The following CFAP74 variants were observed in gnomAD, a reference collection of about 807,000 sequenced individuals.
CFAP74 encodes the protein cilia and flagella associated protein 74.
Under a neutral mutation model 188.9 loss-of-function variants are expected in CFAP74, and 124 were observed. The ratio of observed to expected loss-of-function variants is 0.66; its 90% CI spans 0.57 to 0.76. The LOEUF is 0.76. Ranked by LOEUF, CFAP74 falls within the 30% of genes least tolerant of loss-of-function variation. The pLI is 0.00. For synonymous variants in CFAP74, 956 were observed against 916.7 expected (o/e 1.04, Z -0.77); for missense variants, 2,198 against 2,165.2 (o/e 1.02, Z -0.30).
At chr1:1,947,688 G>C (rs2102052637) in intron 18 of CFAP74, among the ~76,000 whole-genome samples, 1 of 152,382 alleles carries the variant, frequency 6.6e-6, no homozygotes, top group African/African-American at 2.4e-5. Flanking sequence ...GTGCTGCCCG[G>C]TCGGGTCAGA....
intron 20 of CFAP74, among the ~76,000 whole-genome samples, chr1:1,946,075 G>A (rs1653752929): frequency 6.6e-6 from 1 of 152,184 alleles, no homozygotes; most frequent in Non-Finnish European, 1.5e-5. Context: ...GTGTATACAT[G>A]CATGTTTTTG....
Position 1,972,087 on chromosome 1 carries a change from G to A in CFAP74, c.786-5C>T. 2 of 1,608,348 alleles carry A rather than the reference G, an allele frequency of 1.2e-6. No homozygotes were observed. Among genetic ancestry groups the A allele is most frequent in the Non-Finnish European group, 1.7e-6 (2 of 1,177,104 alleles). On this transcript the variant is annotated splice_region_variant and splice_polypyrimidine_tract_variant and intron_variant, in intron 8 of 38. Transcript: ENST00000682832. ...TTCTTCTCTTGCTCTCGGATTCTGA[G>A]GAAGGACATTTAAACATTTTTGAGG...
chr1:1,969,702 AC>A (rs894721874), intron 10 of CFAP74, among the ~76,000 whole-genome samples: 3 of 151,310 alleles, frequency 2.0e-5, no homozygotes, highest in Non-Finnish European at 4.4e-5. Flanking sequence ...TGCTGCCAGG[AC>A]CCCCCCGCCC....
At position 1,966,358 on chromosome 1, in the gene CFAP74, C is replaced by T. The variant is rs1352615035; in HGVS notation, c.1401+13G>A. On this transcript the variant is annotated intron_variant, in intron 12 of 38. Coordinates refer to ENST00000682832, the MANE Select transcript of CFAP74 (RefSeq NM_001304360.2). ...GTCCGTCTGCAAGCGTCTAAAGGAG[C>T]AGGAGCTGATACCTGGTATGGCTTG... 28 of 1,515,862 alleles carry T rather than the reference C, an allele frequency of 1.8e-5. No homozygotes were observed. Among genetic ancestry groups the T allele is most frequent in the Non-Finnish European group, 2.2e-5 (25 of 1,124,786 alleles). 93.9% of individuals were successfully genotyped at this position (1,515,862 alleles called of 1,614,324 possible).
chr1:1,928,001 G>A, intron 27 of CFAP74: 1 of 510,116 alleles, frequency 2.0e-6, no homozygotes, highest in Non-Finnish European at 3.5e-6. Context: ...TGAGGAGGCG[G>A]CCAGAACCGG....
Position 1,959,972 on chromosome 1 carries a change from T to C in CFAP74, c.1753A>G (p.Lys585Glu), listed in dbSNP as rs1213844259. The C allele has an allele frequency of 1.9e-6, 3 of 1,593,638 alleles. No individual in the cohort carries two copies. Among genetic ancestry groups the C allele is most frequent in the Non-Finnish European group, 2.6e-6 (3 of 1,171,158 alleles). Residue 585 changes from lysine to glutamate, a missense_variant, in exon 15 of 39, where the codon AAG becomes GAG. Transcript: ENST00000682832. ...GMSCEVLVTF[K>E]PMINKDLEGN... is the part of the protein sequence containing the mutation. ...GGGCCCCTCTGACTCACCATCGGCT[T>C]GAAGGTGACAAGCACTTCACAGGAC...
intron 18 of CFAP74, among the ~76,000 whole-genome samples, chr1:1,951,550 T>C (rs866847089): frequency 6.6e-6 from 1 of 152,248 alleles, no homozygotes; most frequent in East Asian, 1.9e-4. Context: ...CTGTACTTCA[T>C]AGTAATCTTG....
chr1:1,997,140 C>T (rs915416631), intron 1 of CFAP74, among the ~76,000 whole-genome samples: 3 of 151,816 alleles, frequency 2.0e-5, no homozygotes, highest in South Asian at 2.1e-4. Context: ...AAATAAAAGG[C>T]GGCCGGGCGC....
At chr1:1,963,727 C>G in intron 14 of CFAP74, 22 bp downstream of exon 14, 1 of 1,524,218 alleles carries the variant, frequency 6.6e-7, no homozygotes, top group East Asian at 2.2e-5. Context: ...CGCGTCCCTC[C>G]CTGTCTGAGC....
chr1:1,981,526 C>T (rs982112341), intron 6 of CFAP74, among the ~76,000 whole-genome samples: 2 of 106,508 alleles, frequency 1.9e-5, no homozygotes, highest in East Asian at 3.1e-4. Context: ...CATGGGGGCA[C>T]GCAGGACACA....
intron 18 of CFAP74, among the ~76,000 whole-genome samples, 193 bp from the exon 19 acceptor site, chr1:1,947,247 C>T (rs1180286143): frequency 6.6e-6 from 1 of 152,240 alleles, no homozygotes; most frequent in South Asian, 2.1e-4. Context: ...CCACCGTGCC[C>T]GGAGGGCTTT....
intron 18 of CFAP74, among the ~76,000 whole-genome samples, chr1:1,952,137 G>C (rs1366172932): frequency 1.3e-5 from 2 of 152,194 alleles, no homozygotes; most frequent in East Asian, 3.9e-4. Context: ...ATTTTCAGTA[G>C]AGATGGGGTT....
At chr1:1,941,198 G>A (rs567945940) in intron 22 of CFAP74, among the ~76,000 whole-genome samples, 4 of 152,294 alleles carry the variant, frequency 2.6e-5, no homozygotes, top group South Asian at 2.1e-4. Flanking sequence ...GGCGGCCGGC[G>A]GGGGCAAGTC....
At chr1:1,949,125 TTCCCTCCC>T (rs147210610) in intron 18 of CFAP74, among the ~76,000 whole-genome samples, 2 of 64,780 alleles carry the variant, frequency 3.1e-5, no homozygotes, top group South Asian at 6.2e-4. Context: ...CTTTCTTCCC[TTCCCTCCC>T]TCCCTCCCTC....
At chr1:1,981,491 C>A (rs1343018448) in intron 6 of CFAP74, among the ~76,000 whole-genome samples, 1 of 132,574 alleles carries the variant, frequency 7.5e-6, no homozygotes, top group Non-Finnish European at 1.6e-5. Context: ...CGCGGGGGCA[C>A]GCAGGACACC....
chr1:1,956,696 C>T lies in CFAP74; in HGVS notation c.1940G>A (p.Gly647Asp). 2 of 1,614,068 alleles carry T rather than the reference C, an allele frequency of 1.2e-6. No homozygotes were observed. Among genetic ancestry groups the T allele is most frequent in the Non-Finnish European group, 1.7e-6 (2 of 1,179,990 alleles). ...SRTITLTNVG[G>D]LGTTFKFLPA... ...CAGGAACTTGAAAGTCGTGCCCAAG[C>T]CCCCAACGTTGGTCAGCGTGATGGT... Residue 647 changes from glycine to aspartate, a missense_variant, in exon 17 of 39, where the codon GGC becomes GAC. By Grantham distance (94) the Gly-to-Asp change is moderately conservative. Coordinates refer to ENST00000682832, the MANE Select transcript of CFAP74 (RefSeq NM_001304360.2).
At chr1:1,928,497 C>A (rs1345467589) in intron 27 of CFAP74, among the ~76,000 whole-genome samples, 1 of 152,178 alleles carries the variant, frequency 6.6e-6, no homozygotes, top group Non-Finnish European at 1.5e-5. Flanking sequence ...GTTGGAGGGG[C>A]CCTTCATTGC....
intron 26 of CFAP74, 46 bp from the exon 27 acceptor site, chr1:1,928,928 C>T: frequency 1.5e-6 from 2 of 1,359,576 alleles, no homozygotes; most frequent in Non-Finnish European, 2.0e-6. Flanking sequence ...CTTCCCTCCA[C>T]CTCCCCGGAG....
Position 1,970,807 on chromosome 1 carries a change from G to C in CFAP74, c.898C>G (p.Arg300Gly). The C allele has an allele frequency of 6.2e-7, 1 of 1,614,082 alleles. No individual in the cohort carries two copies. Among genetic ancestry groups the C allele is most frequent in the Middle Eastern group, 1.7e-4 (1 of 6,060 alleles). ...GSISANRDTL[R>G]KFQAWDRAKA... is the part of the protein sequence containing the mutation. ...GCACGGTCCCATGCTTGGAACTTCC[G>C]CAGTGTGTCCTTGGAAACAGAGAGC... Residue 300 changes from arginine to glycine, a missense_variant, in exon 10 of 39, where the codon CGG becomes GGG. By Grantham distance (125) the Arg-to-Gly change is moderately radical. Coordinates refer to ENST00000682832, the MANE Select transcript of CFAP74 (RefSeq NM_001304360.2).
Sources: gnomAD v4.1 joint callset for allele counts (sites outside exome capture counted in the v4.1 genomes callset) on GRCh38, gnomAD v4.1.1 for gene constraint, MANE v1.5 for transcripts, NCBI Gene and HGNC (gene_info 2026-07-23, HGNC 2026-07-21) for gene names.